Variants in WWOX observed in about 807,000 individuals in gnomAD.
WWOX encodes WW domain containing oxidoreductase.
Under a neutral mutation model 46.2 loss-of-function variants are expected in WWOX, and 69 were observed. The ratio of observed to expected loss-of-function variants is 1.49; its 90% confidence interval spans 1.23 to 1.82. WWOX has a LOEUF of 1.82. WWOX is among the 40% of genes most tolerant of loss of function. The probability of loss-of-function intolerance (pLI) is 0.00; values close to 1 mark genes in which losing one functional copy is unlikely to be tolerated. For synonymous variants in WWOX, 359 were observed against 202.6 expected, an observed-to-expected ratio of 1.77 and a Z score of -6.56; for missense variants, 919 against 542.6, an observed-to-expected ratio of 1.69 and a Z score of -6.89.
intron 8 of WWOX, among the ~76,000 whole-genome samples, chr16:78,784,033 A>C (rs1461998207): frequency 6.6e-6 from 1 of 152,044 alleles, no homozygotes; most frequent in Non-Finnish European, 1.5e-5. Flanking sequence ...GATGATAATG[A>C]TGATGATAGT....
At chr16:78,314,691 TTTTTTTTTTG>T (rs1326244958) in intron 5 of WWOX, among the ~76,000 whole-genome samples, 1 of 78,314 alleles carries the variant, frequency 1.3e-5, no homozygotes, top group African/African-American at 7.8e-5. Flanking sequence ...TGCAGGGGTT[TTTTTTTTTTG>T]TTTTTTTTTT....
At chr16:79,014,376 C>A (rs2047371866) in intron 8 of WWOX, among the ~76,000 whole-genome samples, 1 of 152,064 alleles carries the variant, frequency 6.6e-6, no homozygotes, top group Admixed American at 6.5e-5. Flanking sequence ...TCTATTGTCC[C>A]CGAATGGAAA....
At chr16:78,418,100 C>G (rs1029033259) in intron 6 of WWOX, among the ~76,000 whole-genome samples, 1 of 152,190 alleles carries the variant, frequency 6.6e-6, no homozygotes, top group African/African-American at 2.4e-5. Flanking sequence ...GTGGCTCACG[C>G]CTGTAATCCC....
At chr16:78,671,638 G>A (rs1307388233) in intron 8 of WWOX, among the ~76,000 whole-genome samples, 1 of 152,088 alleles carries the variant, frequency 6.6e-6, no homozygotes, top group African/African-American at 2.4e-5. Flanking sequence ...ATCTCATTTG[G>A]AGGTGATTTT....
chr16:78,587,747 C>G (rs745333324), intron 8 of WWOX, among the ~76,000 whole-genome samples: 1 of 152,114 alleles, frequency 6.6e-6, no homozygotes, highest in Non-Finnish European at 1.5e-5. Flanking sequence ...TGGATATAGA[C>G]ATTTGTTGGC....
chr16:79,017,879 T>A (rs892457040), intron 8 of WWOX, among the ~76,000 whole-genome samples: 6 of 152,200 alleles, frequency 3.9e-5, no homozygotes, highest in African/African-American at 1.2e-4. Context: ...GACTGTAGTT[T>A]GCTGACATCC....
chr16:78,840,502 T>C (rs1002490395), intron 8 of WWOX, among the ~76,000 whole-genome samples: 5 of 152,186 alleles, frequency 3.3e-5, no homozygotes, highest in African/African-American at 1.2e-4. Context: ...GCTAATTATG[T>C]AGTGTCTACA....
intron 8 of WWOX, among the ~76,000 whole-genome samples, chr16:78,736,575 T>G (rs2049097116): frequency 7.1e-6 from 1 of 141,708 alleles, no homozygotes; most frequent in Admixed American, 6.8e-5. Flanking sequence ...TTCTCTTTCT[T>G]TCTTGTTTTG....
chr16:78,838,624 C>G (rs1309791505), intron 8 of WWOX, among the ~76,000 whole-genome samples: 2 of 152,110 alleles, frequency 1.3e-5, no homozygotes, highest in Non-Finnish European at 2.9e-5. Flanking sequence ...GATGGGTCAC[C>G]TGAGGTCCGG....
intron 3 of WWOX, among the ~76,000 whole-genome samples, 198 bp from the exon 4 acceptor site, chr16:78,114,778 G>C (rs190670584): frequency 1.7e-4 from 26 of 152,206 alleles, no homozygotes; most frequent in Admixed American, 1.5e-3. Flanking sequence ...GAAAGGATTC[G>C]ATGACTATCT....
chr16:78,969,230 A>G (rs1185535948), intron 8 of WWOX, among the ~76,000 whole-genome samples: 2 of 151,304 alleles, frequency 1.3e-5, no homozygotes, highest in South Asian at 2.1e-4. Flanking sequence ...AGTCAAGAAA[A>G]TAACACTAGG....
intron 8 of WWOX, among the ~76,000 whole-genome samples, chr16:78,905,716 A>C (rs369896372): frequency 2.6e-4 from 39 of 152,288 alleles, no homozygotes; most frequent in Middle Eastern, 6.8e-3. Flanking sequence ...ATGGACCATG[A>C]ACTCCCTTTT....
chr16:78,458,443 T>C (rs935747363), intron 8 of WWOX, among the ~76,000 whole-genome samples: 1 of 151,954 alleles, frequency 6.6e-6, no homozygotes, highest in African/African-American at 2.4e-5. Context: ...TAATTTTTTA[T>C]AGAGACAAGG....
intron 8 of WWOX, among the ~76,000 whole-genome samples, chr16:78,710,601 AC>A (rs1483836835): frequency 6.8e-6 from 1 of 147,240 alleles, no homozygotes; most frequent in East Asian, 2.0e-4. Flanking sequence ...ATAAATATAT[AC>A]ATATATGTGT....
At chr16:79,104,051 C>T (rs1020679306) in intron 8 of WWOX, among the ~76,000 whole-genome samples, 3 of 14,722 alleles carry the variant, frequency 2.0e-4, no homozygotes, top group African/African-American at 5.8e-4. Context: ...GGGGGGGGGG[C>T]GGGTGGTGGG....
intron 5 of WWOX, among the ~76,000 whole-genome samples, chr16:78,343,434 C>T (rs12932415): frequency 0.18 from 21,798 of 120,116 alleles, 7,201 homozygotes; most frequent in Non-Finnish European, 0.24. Context: ...TCAACAGGCA[C>T]CATTTTTGGT....
chr16:78,864,528 C>T (rs1350605015), intron 8 of WWOX, among the ~76,000 whole-genome samples: 1 of 152,064 alleles, frequency 6.6e-6, no homozygotes. Flanking sequence ...CTTGGCCTCC[C>T]AAAATGCTGG....
At position 78,578,262 on chromosome 16, in the gene WWOX, A is replaced by ATATATATATATATT. The variant is rs1555567064; in HGVS notation, c.1056+145523_1056+145524insTTATATATATATAT. Among the ~76,000 whole-genome samples the ATATATATATATATT allele has an allele frequency of 3.7e-3, 70 of 18,960 alleles. 1 individual carries two copies. Among genetic ancestry groups the ATATATATATATATT allele is most frequent in the African/African-American group, 0.011 (69 of 6,210 alleles). 12.4% of individuals were successfully genotyped at this position (18,960 alleles called of 152,430 possible). A position where few individuals can be genotyped will look rare whatever the true frequency, so the allele number is the denominator to read the frequency against. On this transcript the variant is annotated intron_variant, in intron 8 of 8. Transcript: ENST00000566780. The stretch of plus-strand genomic sequence containing the variant: ...TATGTGCATACCAAATTTTATATAT[A>ATATATATATATATT]TATATATATATATATATATATATTT...
chr16:78,148,499 A>G (rs1296518014), intron 4 of WWOX, among the ~76,000 whole-genome samples: 1 of 150,584 alleles, frequency 6.6e-6, no homozygotes, highest in South Asian at 2.1e-4. Flanking sequence ...CTCTGCCTCT[A>G]AAAAGCTCCA....
Sources: allele counts gnomAD v4.1 joint callset (sites outside exome capture counted in the v4.1 genomes callset), GRCh38; gene constraint gnomAD v4.1.1; transcripts MANE v1.5; gene names NCBI Gene and HGNC (gene_info 2026-07-23, HGNC 2026-07-21).